The following CNP variants were observed in gnomAD, a reference collection of about 807,000 sequenced individuals.
CNP encodes 2',3'-cyclic nucleotide 3' phosphodiesterase.
Under a neutral mutation model 37.9 loss-of-function variants are expected in CNP, and 8 were observed. The ratio of observed to expected loss-of-function variants is 0.21; its 90% CI spans 0.12 to 0.38. The LOEUF (loss-of-function observed/expected upper bound fraction) is 0.38, where lower values mean the gene tolerates loss of function less well. Among genes scored for constraint, CNP ranks in the 10% least tolerant of loss-of-function variants. The pLI is 1.00. For missense variants in CNP, 457 were observed against 551.0 expected, an observed-to-expected ratio of 0.83 and a Z score of 1.71; for synonymous variants, 237 against 238.3, an observed-to-expected ratio of 0.99 and a Z score of 0.05.
At position 41,976,405 on chromosome 17, in the gene CNP, G is replaced by A. The variant is rs917479237; in HGVS notation, c.*2481G>A. ...CGGGCTCAGCTCTGGCTCACAGACT[G>A]GAGACAATGCAGATGCCAGAGCAAA... On this transcript the variant is annotated 3_prime_UTR_variant, in exon 4 of 4. Transcript: ENST00000393892. The A allele has an allele frequency of 1.7e-5, 5 of 289,384 alleles. No individual in the cohort carries two copies. The highest frequency in any genetic ancestry group is 1.9e-5 in the Non-Finnish European group (3 of 154,858). 17.9% of individuals were successfully genotyped at this position (289,384 alleles called of 1,614,324 possible).
Position 41,973,725 on chromosome 17 carries a change from AG to A in CNP, c.1073del (p.Gly358AlafsTer10). On this transcript the variant is annotated frameshift_variant, in exon 4 of 4. Coordinates refer to ENST00000393892, the MANE Select transcript of CNP (RefSeq NM_033133.5). LOFTEE classifies it high-confidence loss of function. ...LDLLEILRQE[K>X]GGSRGEEVGE... ...CTCTTAGAGATTCTGCGGCAGGAGA[AG>A]GGGGGCAGCCGAGGCGAGGAGGTGG... 1.9e-6 allele frequency: 3 copies of A among 1,611,748 alleles called. No homozygotes were observed. Among genetic ancestry groups the A allele is most frequent in the Non-Finnish European group, 2.5e-6 (3 of 1,178,590 alleles).
chr17:41,968,115 C>T lies in CNP; in HGVS notation c.51C>T (p.Phe17=), dbSNP rs782339480. Residue 17 remains phenylalanine, a synonymous_variant, in exon 2 of 4, where the codon TTC becomes TTT. Transcript: ENST00000393892. The surrounding 1 kb of genome is among the most constrained non-coding windows in gnomAD (Gnocchi z 4.8). ...GCCACACATTCCTGCCCAAGATCTT[C>T]TTCCGCAAGATGTCATCCTCAGGGG... is the stretch of plus-strand genomic sequence containing the variant. ...RKSHTFLPKI[F]FRKMSSSGAK... 1 of 1,614,254 alleles carries T rather than the reference C, an allele frequency of 6.2e-7. No individual in the cohort carries two copies. Among genetic ancestry groups the T allele is most frequent in the Non-Finnish European group, 8.5e-7 (1 of 1,180,028 alleles).
At chr17:41,971,503 A>G (rs11079027) in intron 2 of CNP, 116,954 of 165,050 alleles carry the variant, frequency 0.71, 42,390 homozygotes, top group East Asian at 0.83. Flanking sequence ...GGTTCAAGCA[A>G]TTCTCTACCT....
In CNP at chr17:41,966,817, C is replaced by T; in HGVS notation, c.-68C>T. The T allele has an allele frequency of 7.2e-7, 1 of 1,386,388 alleles. No homozygotes were observed. Among genetic ancestry groups the T allele is most frequent in the East Asian group, 3.1e-5 (1 of 32,526 alleles). The allele number at this position is 1,386,388 out of a possible 1,614,324, so 85.9% of individuals were successfully genotyped here. A position where few individuals can be genotyped will look rare whatever the true frequency, so the allele number is the denominator to read the frequency against. Reference sequence around the variant, plus strand: ...GCCACCGCTGGACTCCCGTGTCCCTCCGCGCAGGCGGGCGGCCCCGGAGCG... The same window carrying T: ...GCCACCGCTGGACTCCCGTGTCCCTTCGCGCAGGCGGGCGGCCCCGGAGCG... On this transcript the variant is annotated 5_prime_UTR_variant, in exon 1 of 4. Transcript: ENST00000393892.
At position 41,976,918 on chromosome 17, in the gene CNP, G is replaced by C. The variant is rs550340336; in HGVS notation, c.*2994G>C. ...GTATCAAACAGCTCAGGCTGTTTTT[G>C]GGTGCAAGAGGGAGCACGTGACTGT... On this transcript the variant is annotated 3_prime_UTR_variant, in exon 4 of 4. Coordinates refer to ENST00000393892, the MANE Select transcript of CNP (RefSeq NM_033133.5). The C allele has an allele frequency of 2.2e-6, 2 of 925,396 alleles. No homozygotes were observed. The highest frequency in any genetic ancestry group is 2.6e-5 in the East Asian group (1 of 38,498). The allele number at this position is 925,396 out of a possible 1,614,324, so 57.3% of individuals were successfully genotyped here.
Position 41,966,897 on chromosome 17 carries a change from C to CG in CNP, c.3+13dup. On this transcript the variant is annotated intron_variant, in intron 1 of 3. Transcript: ENST00000393892. ...GCCCCTCCTCATCATGGTGAGAGGC[C>CG]GGGCGGGGCCGGGCACGGGGTAGCA... 2 of 1,340,710 alleles carry CG rather than the reference C, an allele frequency of 1.5e-6. No individual in the cohort carries two copies. The highest frequency in any genetic ancestry group is 3.6e-5 in the South Asian group (2 of 55,398). 83.1% of individuals were successfully genotyped at this position (1,340,710 alleles called of 1,614,324 possible). A position where few individuals can be genotyped will look rare whatever the true frequency, so the allele number is the denominator to read the frequency against.
rs2051110744 is a variant in CNP, at chr17:41,977,247, G to A, written c.*3323G>A. On this transcript the variant is annotated 3_prime_UTR_variant, in exon 4 of 4. Transcript: ENST00000393892. ...TGTGATCTGGGAACTCCCAAGAACAGCAGGCCCACCTACCTTCAAAGCTGA... is the reference window on the plus strand; with the variant it reads ...TGTGATCTGGGAACTCCCAAGAACAACAGGCCCACCTACCTTCAAAGCTGA... The A allele has an allele frequency of 1.3e-6, 2 of 1,575,320 alleles. No individual in the cohort carries two copies. Among genetic ancestry groups the A allele is most frequent in the Non-Finnish European group, 1.7e-6 (2 of 1,160,720 alleles).
At position 41,967,865 on chromosome 17, in the gene CNP, G is replaced by T. The variant is rs939441188; in HGVS notation, c.4-203G>T. On this transcript the variant is annotated intron_variant, in intron 1 of 3. Transcript: ENST00000393892. ...CCGAAGTGGCAGGAATGGGGAAAGC[G>T]CACGCTTAGGAGAGCTTCAGACAAG... 2.1e-6 allele frequency: 3 copies of T among 1,403,528 alleles called. No homozygotes were observed. In the African/African-American group the frequency reaches 4.3e-5, roughly 20 times the overall value. The allele number at this position is 1,403,528 out of a possible 1,614,324, so 86.9% of individuals were successfully genotyped here. A position where few individuals can be genotyped will look rare whatever the true frequency, so the allele number is the denominator to read the frequency against.
Position 41,966,930 on chromosome 17 carries a change from G to T in CNP, c.3+43G>T, listed in dbSNP as rs530857818. The T allele has an allele frequency of 4.6e-6, 6 of 1,298,448 alleles. No individual in the cohort carries two copies. In the South Asian group the frequency reaches 8.6e-5, roughly 19 times the overall value. The allele number at this position is 1,298,448 out of a possible 1,614,324, so 80.4% of individuals were successfully genotyped here. ...GCCGGGCACGGGGTAGCACCAGGGC[G>T]GGAAACGAGTGTCGGGGCCCCTCGG... On this transcript the variant is annotated intron_variant, in intron 1 of 3. Coordinates refer to ENST00000393892, the MANE Select transcript of CNP (RefSeq NM_033133.5).
At position 41,977,007 on chromosome 17, in the gene CNP, G is replaced by T; in HGVS notation, c.*3083G>T. On this transcript the variant is annotated 3_prime_UTR_variant, in exon 4 of 4. Coordinates refer to ENST00000393892, the MANE Select transcript of CNP (RefSeq NM_033133.5). ...ATAGTACCTTTGCTCTTGCAGAGAAGCCTTGGTACTAGGCAGTTAGAGATG... is the reference window on the plus strand; with the variant it reads ...ATAGTACCTTTGCTCTTGCAGAGAATCCTTGGTACTAGGCAGTTAGAGATG... 1.6e-6 allele frequency: 1 copy of T among 643,248 alleles called. No homozygotes were observed. Among genetic ancestry groups the T allele is most frequent in the African/African-American group, 1.8e-5 (1 of 54,716 alleles). 39.8% of individuals were successfully genotyped at this position (643,248 alleles called of 1,614,324 possible). A position where few individuals can be genotyped will look rare whatever the true frequency, so the allele number is the denominator to read the frequency against.
chr17:41,976,550 T>C lies in CNP; in HGVS notation c.*2626T>C, dbSNP rs1017557160. The C allele has an allele frequency of 4.3e-5, 24 of 557,394 alleles. 1 individual carries two copies. The South Asian group carries it at 5.0e-4, about 12-fold the overall frequency. 34.5% of individuals were successfully genotyped at this position (557,394 alleles called of 1,614,324 possible). A position where few individuals can be genotyped will look rare whatever the true frequency, so the allele number is the denominator to read the frequency against. ...CCACCCCCGCCTCCCTCCCCTGCCC[T>C]CGGTCTTCGGCATTGGTTCCCTTTG... On this transcript the variant is annotated 3_prime_UTR_variant, in exon 4 of 4. Transcript: ENST00000393892.
At chr17:41,969,744 C>G (rs919392050) in intron 2 of CNP, among the ~76,000 whole-genome samples, 1 of 152,098 alleles carries the variant, frequency 6.6e-6, no homozygotes, top group South Asian at 2.1e-4. Context: ...TTAGTAGAGA[C>G]GGAGTTTCAC....
At chr17:41,969,850 C>T (rs539143691) in intron 2 of CNP, among the ~76,000 whole-genome samples, 20 of 152,336 alleles carry the variant, frequency 1.3e-4, no homozygotes, top group African/African-American at 4.8e-4. Flanking sequence ...GCCACCACCG[C>T]ACCCAGCCAC....
intron 2 of CNP, among the ~76,000 whole-genome samples, chr17:41,970,051 C>T (rs1252186041): frequency 6.6e-6 from 1 of 152,148 alleles, no homozygotes; most frequent in Non-Finnish European, 1.5e-5. Flanking sequence ...AGCCCTGTAC[C>T]TGTGAGCTGG....
chr17:41,971,836 G>A (rs967567245), intron 2 of CNP, 56 bp from the exon 3 acceptor site: 24 of 1,601,414 alleles, frequency 1.5e-5, no homozygotes, highest in South Asian at 1.4e-4. Flanking sequence ...TCCTGGTGGC[G>A]GATGTTGGTA....
In CNP at chr17:41,976,532, C is replaced by T. The variant is rs1009220506; in HGVS notation, c.*2608C>T. 68 of 585,046 alleles carry T rather than the reference C, an allele frequency of 1.2e-4. 1 individual carries two copies. Among genetic ancestry groups the T allele is most frequent in the African/African-American group, 7.9e-4 (40 of 50,750 alleles). The allele number at this position is 585,046 out of a possible 1,614,324, so 36.2% of individuals were successfully genotyped here. On this transcript the variant is annotated 3_prime_UTR_variant, in exon 4 of 4. Transcript: ENST00000393892. ...CACAAGCTGCCTCCCTGTCCACCCC[C>T]GCCTCCCTCCCCTGCCCTCGGTCTT... is the stretch of plus-strand genomic sequence containing the variant.
rs2051023195 is a variant in CNP at position 41,973,541 on chromosome 17, A to G, written c.883A>G (p.Thr295Ala). The G allele has an allele frequency of 1.1e-5, 18 of 1,614,014 alleles. No homozygotes were observed. The highest frequency in any genetic ancestry group is 1.4e-5 in the Non-Finnish European group (17 of 1,180,024). ...TISALFVTPK[T>A]TGARVELSEQ... The stretch of plus-strand genomic sequence containing the variant: ...CTCTGCCCTCTTTGTGACACCCAAG[A>G]CGACTGGGGCCCGGGTGGAGTTAAG... Residue 295 changes from threonine to alanine, a missense_variant, in exon 4 of 4, where the codon ACG becomes GCG. Thr to Ala is a moderately conservative substitution (Grantham distance 58). Around this residue, in one of 2 missense-constraint regions of CNP, gnomAD observed 291 missense variants for 291.7 expected, o/e 1.00. Transcript: ENST00000393892.
In CNP at chr17:41,971,888, G is replaced by A; in HGVS notation, c.677-4G>A. 6.2e-7 allele frequency: 1 copy of A among 1,613,642 alleles called. No individual in the cohort carries two copies. The highest frequency in any genetic ancestry group is 8.5e-7 in the Non-Finnish European group (1 of 1,179,808). ...CCCTGACTGCACCCGTTTTCTCCCG[G>A]CAGTCGTCCCTGGGGATGAGCCCAG... On this transcript the variant is annotated splice_polypyrimidine_tract_variant and splice_region_variant and intron_variant, in intron 2 of 3. Transcript: ENST00000393892.
At chr17:41,972,160 A>G (rs1167622750) in intron 3 of CNP, 129 bp downstream of exon 3, 3 of 1,133,472 alleles carry the variant, frequency 2.6e-6, no homozygotes, top group East Asian at 5.2e-5. Context: ...GAAAAATGGC[A>G]TCTCCTCCTC....
Sources: allele counts gnomAD v4.1 joint callset (sites outside exome capture counted in the v4.1 genomes callset), GRCh38; gene constraint gnomAD v4.1.1; regional missense constraint gnomAD v4.1.1; non-coding constraint Gnocchi (gnomAD v3.1); transcripts MANE v1.5; gene names NCBI Gene and HGNC (gene_info 2026-07-23, HGNC 2026-07-21).